The following DPYD variants were observed in gnomAD, a reference collection of about 807,000 sequenced individuals.
DPYD encodes dihydropyrimidine dehydrogenase [NADP(+)].
A neutral mutation model predicts 116.2 loss-of-function variants in DPYD; 109 were observed. That is an observed-to-expected ratio of 0.94 (90% confidence interval 0.80 to 1.10). The LOEUF (loss-of-function observed/expected upper bound fraction) is 1.10. Ranked by LOEUF, DPYD falls within the 50% of genes least tolerant of loss-of-function variation. DPYD has a pLI of 0.00. For missense variants in DPYD, 1,302 were observed against 1,254.5 expected (o/e 1.04, Z -0.57); for synonymous variants, 440 against 432.0 (o/e 1.02, Z -0.23).
chr1:97,363,914 A>C (rs1192581394), intron 16 of DPYD, among the ~76,000 whole-genome samples: 1 of 152,250 alleles, frequency 6.6e-6, no homozygotes, highest in Admixed American at 6.5e-5. Context: ...ACAAACCTGC[A>C]CGTTGTGCAC....
At chr1:97,734,245 TC>T (rs1212865421) in intron 4 of DPYD, among the ~76,000 whole-genome samples, 1 of 152,100 alleles carries the variant, frequency 6.6e-6, no homozygotes, top group East Asian at 1.9e-4. Context: ...TATGAAAGAT[TC>T]TAAAAGTAAA....
intron 11 of DPYD, among the ~76,000 whole-genome samples, chr1:97,568,790 G>A: frequency 6.6e-6 from 1 of 152,056 alleles, no homozygotes; most frequent in Non-Finnish European, 1.5e-5. Context: ...AGCAAGTCAA[G>A]TCAAATGCAC....
intron 20 of DPYD, among the ~76,000 whole-genome samples, chr1:97,110,878 C>T (rs372422724): frequency 6.6e-6 from 1 of 151,998 alleles, no homozygotes. Flanking sequence ...TCTTAAAACA[C>T]TATCCTATGG....
At position 97,691,848 on chromosome 1, in the gene DPYD, T is replaced by C. The variant is rs1157096916; in HGVS notation, c.681-50A>G. On this transcript the variant is annotated intron_variant, in intron 6 of 22. Transcript: ENST00000370192. ...CAGGCATCAGTAGAAAAATGACCAA[T>C]CTTTGACCAATCTTAAAAAAAGGTA... is the stretch of plus-strand genomic sequence containing the variant. The C allele has an allele frequency of 2.8e-6, 4 of 1,453,312 alleles. No homozygotes were observed. In the African/African-American group the frequency reaches 4.2e-5, roughly 15 times the overall value. The allele number at this position is 1,453,312 out of a possible 1,614,324, so 90.0% of individuals were successfully genotyped here.
intron 18 of DPYD, among the ~76,000 whole-genome samples, chr1:97,244,443 AGAG>A (rs1378262046): frequency 6.6e-6 from 1 of 152,048 alleles, no homozygotes. Context: ...ATATGGCCAG[AGAG>A]GACATTCAGA....
intron 2 of DPYD, 149 bp downstream of exon 2, chr1:97,883,115 C>A: frequency 1.7e-6 from 1 of 581,948 alleles, no homozygotes; most frequent in Non-Finnish European, 3.0e-6. Flanking sequence ...AATACACTTT[C>A]AAACTTTTTC....
intron 18 of DPYD, among the ~76,000 whole-genome samples, chr1:97,257,618 T>A (rs1025436069): frequency 6.6e-6 from 1 of 151,802 alleles, no homozygotes; most frequent in Non-Finnish European, 1.5e-5. Context: ...TCCCAGCTAT[T>A]TTTTCAATTT....
At chr1:97,770,203 G>T (rs1666068361) in intron 3 of DPYD, among the ~76,000 whole-genome samples, 1 of 152,152 alleles carries the variant, frequency 6.6e-6, no homozygotes, top group Non-Finnish European at 1.5e-5. Context: ...ATTATTATCA[G>T]TATGACTTTA....
intron 20 of DPYD, among the ~76,000 whole-genome samples, chr1:97,119,225 C>G (rs1447510134): frequency 6.6e-6 from 1 of 152,190 alleles, no homozygotes. Context: ...TTTAGGCCAT[C>G]TACAATGGGT....
intron 16 of DPYD, among the ~76,000 whole-genome samples, chr1:97,322,458 G>A (rs1337383722): frequency 6.6e-6 from 1 of 151,858 alleles, no homozygotes; most frequent in African/African-American, 2.4e-5. Context: ...TACTAAAGTG[G>A]GTGACTTTGG....
At chr1:97,258,613 CT>C (rs1199492592) in intron 18 of DPYD, among the ~76,000 whole-genome samples, 3 of 152,114 alleles carry the variant, frequency 2.0e-5, no homozygotes, top group Non-Finnish European at 4.4e-5. Context: ...TCAGGCTTTG[CT>C]TTTGTAAGAA....
intron 14 of DPYD, among the ~76,000 whole-genome samples, chr1:97,449,610 T>G (rs1676288726): frequency 6.6e-6 from 1 of 152,226 alleles, no homozygotes; most frequent in Admixed American, 6.5e-5. Context: ...TAATTTAGTA[T>G]AGGAGTGTTA....
chr1:97,814,903 C>CAAA (rs71071673), intron 3 of DPYD, among the ~76,000 whole-genome samples: 2 of 63,678 alleles, frequency 3.1e-5, no homozygotes, highest in African/African-American at 4.9e-5. Flanking sequence ...GACCCTGTCT[C>CAAA]AAAAAAAAAA....
chr1:97,498,455 T>G (rs2101923163), intron 13 of DPYD, among the ~76,000 whole-genome samples: 1 of 150,870 alleles, frequency 6.6e-6, no homozygotes, highest in South Asian at 2.1e-4. Flanking sequence ...ACACTAAATA[T>G]ACACACACAG....
chr1:97,247,372 G>A (rs1174680253), intron 18 of DPYD, among the ~76,000 whole-genome samples: 1 of 152,240 alleles, frequency 6.6e-6, no homozygotes, highest in East Asian at 1.9e-4. Context: ...TGAGGATATG[G>A]AGCAATCTGG....
chr1:97,301,632 A>G (rs542884027), intron 18 of DPYD, among the ~76,000 whole-genome samples: 38 of 152,152 alleles, frequency 2.5e-4, no homozygotes, highest in Admixed American at 7.2e-4. Flanking sequence ...GAAAACTTCA[A>G]ATGAATTCAC....
At chr1:97,848,238 T>C (rs552867033) in intron 2 of DPYD, among the ~76,000 whole-genome samples, 33 of 152,000 alleles carry the variant, frequency 2.2e-4, no homozygotes, top group Non-Finnish European at 3.5e-4. Context: ...CCTCCAACTA[T>C]AGGCGCCTGC....
At chr1:97,549,537 T>A in intron 12 of DPYD, 23 bp downstream of exon 12, 1 of 1,613,134 alleles carries the variant, frequency 6.2e-7, no homozygotes, top group Non-Finnish European at 8.5e-7. Flanking sequence ...AAGAATTAAG[T>A]GGAAATGATG....
intron 1 of DPYD, 111 bp downstream of exon 1, chr1:97,920,773 C>T: frequency 1.4e-6 from 2 of 1,441,560 alleles, no homozygotes; most frequent in Middle Eastern, 2.2e-4. Flanking sequence ...GAAACTTTCC[C>T]GCGTCTCTCA....
Sources: allele counts gnomAD v4.1 joint callset (sites outside exome capture counted in the v4.1 genomes callset), GRCh38; gene constraint gnomAD v4.1.1; transcripts MANE v1.5; gene names NCBI Gene and HGNC (gene_info 2026-07-23, HGNC 2026-07-21).